Variants in PDE10A observed in about 807,000 individuals in gnomAD.
PDE10A encodes the protein cAMP and cAMP-inhibited cGMP 3',5'-cyclic phosphodiesterase 10A.
PDE10A carries 39 observed loss-of-function variants against 97.7 expected under a neutral mutation model. That is an observed-to-expected ratio of 0.40 (90% CI 0.31 to 0.52). The LOEUF (loss-of-function observed/expected upper bound fraction) is 0.52. PDE10A is among the 20% of genes least tolerant of loss of function. PDE10A has a pLI of 0.56. For missense variants in PDE10A, 731 were observed against 1,047.8 expected, an observed-to-expected ratio of 0.70 and a Z score of 4.17; for synonymous variants, 371 against 376.8, an observed-to-expected ratio of 0.98 and a Z score of 0.18.
At chr6:165,343,850 T>A (rs1047577956) in intron 18 of PDE10A, among the ~76,000 whole-genome samples, 3 of 152,178 alleles carry the variant, frequency 2.0e-5, no homozygotes, top group Non-Finnish European at 2.9e-5. Flanking sequence ...TCATTGAATT[T>A]TGGAAATTTA....
At chr6:165,779,197 T>C (rs1361975991) in intron 1 of PDE10A, among the ~76,000 whole-genome samples, 1 of 152,192 alleles carries the variant, frequency 6.6e-6, no homozygotes, top group Non-Finnish European at 1.5e-5. Flanking sequence ...CAAATTTTTG[T>C]TTTTTCCCCT....
intron 1 of PDE10A, among the ~76,000 whole-genome samples, chr6:165,790,508 G>T (rs1326573860): frequency 2.0e-5 from 3 of 152,130 alleles, no homozygotes; most frequent in African/African-American, 7.2e-5. Flanking sequence ...ATAGCATTTT[G>T]TCATTAAAAG....
In PDE10A at chr6:165,418,908, AAATAAATAT is replaced by A; in HGVS notation, c.1654-140_1654-132del. 1 of 658,312 alleles carries A rather than the reference AAATAAATAT, an allele frequency of 1.5e-6. No individual in the cohort carries two copies. The highest frequency in any genetic ancestry group is 2.6e-6 in the Non-Finnish European group (1 of 384,404). 40.8% of individuals were successfully genotyped at this position (658,312 alleles called of 1,614,324 possible). A position where few individuals can be genotyped will look rare whatever the true frequency, so the allele number is the denominator to read the frequency against. Reference sequence around the variant, plus strand: ...ATTGGTTGGTATTAGCATTATAAGTAAATAAATATACAAGTATATAAATATTTCATATAT... The same window carrying A: ...ATTGGTTGGTATTAGCATTATAAGTAACAAGTATATAAATATTTCATATAT... On this transcript the variant is annotated intron_variant, in intron 10 of 21. Transcript: ENST00000539869. The surrounding 1 kb of genome is among the most constrained non-coding windows in gnomAD (Gnocchi z 4.8).
At chr6:165,437,779 A>G (rs1790127558) in intron 5 of PDE10A, among the ~76,000 whole-genome samples, 1 of 152,122 alleles carries the variant, frequency 6.6e-6, no homozygotes, top group Non-Finnish European at 1.5e-5. Flanking sequence ...TGTTTCTGAC[A>G]TGTTTTCATG....
At chr6:165,891,450 C>T (rs866006877) in intron 1 of PDE10A, among the ~76,000 whole-genome samples, 4 of 152,272 alleles carry the variant, frequency 2.6e-5, no homozygotes, top group Middle Eastern at 6.8e-3. Flanking sequence ...CTCCCAGCCT[C>T]CCAGGTTCAG....
chr6:165,525,643 AT>A (rs2128311207), intron 2 of PDE10A, among the ~76,000 whole-genome samples: 1 of 152,302 alleles, frequency 6.6e-6, no homozygotes, highest in South Asian at 2.1e-4. Flanking sequence ...TTCTCTGTAC[AT>A]CAAATCTAAC....
chr6:165,384,423 G>A (rs1251110359), intron 17 of PDE10A, among the ~76,000 whole-genome samples: 1 of 152,120 alleles, frequency 6.6e-6, no homozygotes, highest in Non-Finnish European at 1.5e-5. Flanking sequence ...GGGAAGCTCA[G>A]GGAAAAATGA....
At chr6:165,917,830 A>G (rs1240212134) in intron 1 of PDE10A, among the ~76,000 whole-genome samples, 1 of 152,064 alleles carries the variant, frequency 6.6e-6, no homozygotes, top group Non-Finnish European at 1.5e-5. Context: ...AGAGCCCCTC[A>G]CGGGTTCTCT....
chr6:165,888,492 G>A (rs1741008944), intron 1 of PDE10A, among the ~76,000 whole-genome samples: 1 of 151,952 alleles, frequency 6.6e-6, no homozygotes, highest in Admixed American at 6.6e-5. Context: ...CACCATGTTG[G>A]CCAGGATGGT....
At chr6:165,846,023 G>A (rs1780407631) in intron 1 of PDE10A, among the ~76,000 whole-genome samples, 1 of 152,176 alleles carries the variant, frequency 6.6e-6, no homozygotes, top group Non-Finnish European at 1.5e-5. Context: ...GTAGGCATGG[G>A]GGCGGGTTGA....
intron 1 of PDE10A, among the ~76,000 whole-genome samples, chr6:165,790,728 C>T (rs988495123): frequency 5.3e-5 from 8 of 152,204 alleles, no homozygotes; most frequent in Middle Eastern, 3.4e-3. Flanking sequence ...GCTTTTCTCA[C>T]GTCCCAAGAA....
chr6:165,472,525 G>A (rs1285190042), intron 3 of PDE10A, among the ~76,000 whole-genome samples: 1 of 151,694 alleles, frequency 6.6e-6, no homozygotes, highest in Non-Finnish European at 1.5e-5. Context: ...TTTGTTTTGG[G>A]TTTTCTAATA....
intron 18 of PDE10A, among the ~76,000 whole-genome samples, chr6:165,350,118 A>G (rs1031735712): frequency 1.3e-5 from 2 of 152,182 alleles, no homozygotes; most frequent in Non-Finnish European, 2.9e-5. Flanking sequence ...AGAATGGCAG[A>G]TCCACCTACA....
At chr6:165,604,453 C>T (rs1387963327) in intron 1 of PDE10A, among the ~76,000 whole-genome samples, 1 of 150,644 alleles carries the variant, frequency 6.6e-6, no homozygotes, top group Non-Finnish European at 1.5e-5. Flanking sequence ...AGGTGACATG[C>T]CCACGTGAGT....
intron 2 of PDE10A, among the ~76,000 whole-genome samples, chr6:165,530,714 G>T (rs529777772): frequency 5.2e-4 from 79 of 152,166 alleles, no homozygotes; most frequent in Admixed American, 1.1e-3. Flanking sequence ...AAAAGTTTTT[G>T]CTTCAATTTT....
At chr6:165,473,213 T>C (rs1779110998) in intron 3 of PDE10A, among the ~76,000 whole-genome samples, 1 of 152,190 alleles carries the variant, frequency 6.6e-6, no homozygotes, top group Admixed American at 6.5e-5. Context: ...AAATAATATG[T>C]GCATTGTAAT....
At chr6:165,802,629 A>T (rs560426670) in intron 1 of PDE10A, among the ~76,000 whole-genome samples, 1 of 152,326 alleles carries the variant, frequency 6.6e-6, no homozygotes, top group South Asian at 2.1e-4. Flanking sequence ...ATGAAGGTAA[A>T]TGTGCAGCCC....
At chr6:165,535,316 A>G (rs1441696808) in intron 2 of PDE10A, among the ~76,000 whole-genome samples, 1 of 151,824 alleles carries the variant, frequency 6.6e-6, no homozygotes, top group Non-Finnish European at 1.5e-5. Context: ...TAGTGTAGCC[A>G]TCGCCTAAAT....
At chr6:165,880,550 T>C (rs1242797481) in intron 1 of PDE10A, among the ~76,000 whole-genome samples, 1 of 152,222 alleles carries the variant, frequency 6.6e-6, no homozygotes, top group Non-Finnish European at 1.5e-5. Flanking sequence ...TTTAATGAGA[T>C]TCTTTTTTTC....
Sources: gnomAD v4.1 joint callset for allele counts (sites outside exome capture counted in the v4.1 genomes callset) on GRCh38, gnomAD v4.1.1 for gene constraint, Gnocchi (gnomAD v3.1) non-coding constraint, MANE v1.5 for transcripts, NCBI Gene and HGNC (gene_info 2026-07-23, HGNC 2026-07-21) for gene names.